Variants in FKBP4 observed in about 807,000 individuals in gnomAD.
FKBP4 encodes the protein peptidyl-prolyl cis-trans isomerase FKBP4.
In FKBP4, 28 loss-of-function variants were observed where a neutral mutation model predicts 54.1. That is an observed-to-expected ratio of 0.52 (90% CI 0.38 to 0.71). FKBP4 has a LOEUF of 0.71. FKBP4 is among the 30% of genes least tolerant of loss of function. The probability of loss-of-function intolerance (pLI) is 0.00; values close to 1 mark genes in which losing one functional copy is unlikely to be tolerated. For missense variants in FKBP4, 493 were observed against 574.4 expected (o/e 0.86, Z 1.45); for synonymous variants, 223 against 216.1 (o/e 1.03, Z -0.28).
At chr12:2,796,933 A>G in intron 1 of FKBP4, 1 of 1,363,210 alleles carries the variant, frequency 7.3e-7, no homozygotes, top group Non-Finnish European at 9.4e-7. Flanking sequence ...TTTTCAAACC[A>G]AGTCTTGCTG....
At position 2,797,839 on chromosome 12, in the gene FKBP4, A is replaced by G; in HGVS notation, c.361A>G (p.Lys121Glu). The change falls in exon 3 of 10, where the codon AAG becomes GAG. Residue 121 changes from lysine (K) to glutamate (E), a missense_variant. Transcript: ENST00000001008. ...YAYGSAGSPP[K>E]IPPNATLVFE... Reference sequence around the variant, plus strand: ...CTACGGTTCAGCAGGCAGTCCTCCAAAGATTCCCCCCAATGCCACGCTTGT... The same window carrying G: ...CTACGGTTCAGCAGGCAGTCCTCCAGAGATTCCCCCCAATGCCACGCTTGT... 1 of 1,614,072 alleles carries G rather than the reference A, an allele frequency of 6.2e-7. No individual in the cohort carries two copies. The highest frequency in any genetic ancestry group is 1.1e-5 in the South Asian group (1 of 91,064).
chr12:2,796,112 T>C, intron 1 of FKBP4: 1 of 1,215,462 alleles, frequency 8.2e-7, no homozygotes, highest in Non-Finnish European at 1.0e-6. Context: ...CCAGGGAGAA[T>C]CAGAGATGGT....
rs1307234968 is a variant in FKBP4 at position 2,803,274 on chromosome 12, C to T, written c.*16C>T. 1.3e-6 allele frequency: 2 copies of T among 1,537,774 alleles called. No individual in the cohort carries two copies. The highest frequency in any genetic ancestry group is 1.2e-5 in the South Asian group (1 of 84,424). Reference sequence around the variant, plus strand: ...AGAAGCATAGCCCCTCTCCACCAGCCCTACTCCTGCGGCTGCCTGCCCCCC... The same window carrying T: ...AGAAGCATAGCCCCTCTCCACCAGCTCTACTCCTGCGGCTGCCTGCCCCCC... On this transcript the variant is annotated 3_prime_UTR_variant, in exon 10 of 10. Coordinates refer to ENST00000001008, the MANE Select transcript of FKBP4 (RefSeq NM_002014.4).
At chr12:2,801,476 T>C in intron 9 of FKBP4, 120 bp downstream of exon 9, 1 of 1,434,086 alleles carries the variant, frequency 7.0e-7, no homozygotes, top group Non-Finnish European at 9.6e-7. Context: ...GCCTTTTCCC[T>C]GGAGCATTAA....
Position 2,797,227 on chromosome 12 carries a change from A to G in FKBP4, c.195A>G (p.Thr65=). ...VHYTGWLLDG[T]KFDSSLDRKD... is the part of the protein sequence containing the mutation. ...ACACTGGCTGGCTATTAGATGGCAC[A>G]AAGTTTGACTCCAGTCTGGATCGCA... The change falls in exon 2 of 10, where the codon ACA becomes ACG. Residue 65 remains threonine (T), a synonymous_variant. Coordinates refer to ENST00000001008, the MANE Select transcript of FKBP4 (RefSeq NM_002014.4). 2.5e-6 allele frequency: 4 copies of G among 1,613,952 alleles called. No individual in the cohort carries two copies. Among genetic ancestry groups the G allele is most frequent in the Non-Finnish European group, 3.4e-6 (4 of 1,179,860 alleles).
At position 2,798,932 on chromosome 12, in the gene FKBP4, A is replaced by C; in HGVS notation, c.514+106A>C. On this transcript the variant is annotated intron_variant, in intron 4 of 9. Coordinates refer to ENST00000001008, the MANE Select transcript of FKBP4 (RefSeq NM_002014.4). The surrounding 1 kb of genome is among the most constrained non-coding windows in gnomAD (Gnocchi z 4.3). ...TCCGAGCCTATCTTCTTGTCCATAA[A>C]ATGAGGGGTTGGACCATATTCTCTT... The C allele has an allele frequency of 6.9e-7, 1 of 1,442,656 alleles. No individual in the cohort carries two copies. Among genetic ancestry groups the C allele is most frequent in the South Asian group, 1.2e-5 (1 of 81,006 alleles). The allele number at this position is 1,442,656 out of a possible 1,614,324, so 89.4% of individuals were successfully genotyped here. A position where few individuals can be genotyped will look rare whatever the true frequency, so the allele number is the denominator to read the frequency against.
At chr12:2,797,588 C>A in intron 2 of FKBP4, 141 bp from the exon 3 acceptor site, 2 of 1,027,510 alleles carry the variant, frequency 1.9e-6, no homozygotes, top group Non-Finnish European at 2.8e-6. Flanking sequence ...CTTAATACAA[C>A]CAGGTACCTC....
At chr12:2,796,184 C>G in intron 1 of FKBP4, 1 of 1,282,516 alleles carries the variant, frequency 7.8e-7, no homozygotes. Flanking sequence ...ATCCTGGCTT[C>G]CCACCGCTGA....
At position 2,803,187 on chromosome 12, in the gene FKBP4, G is replaced by T. The variant is rs1394599190; in HGVS notation, c.1309G>T (p.Asp437Tyr). 1 of 1,606,842 alleles carries T rather than the reference G, an allele frequency of 6.2e-7. No individual in the cohort carries two copies. The highest frequency in any genetic ancestry group is 1.1e-5 in the South Asian group (1 of 89,568). ...GGCTTCCTCAGGAGACCATCCCACT[G>T]ACACAGAGATGAAGGAGGAGCAGAA... is the stretch of plus-strand genomic sequence containing the variant. ...AEASSGDHPT[D>Y]TEMKEEQKSN... Residue 437 changes from aspartate (D) to tyrosine (Y), a missense_variant, in exon 10 of 10, where the codon GAC becomes TAC. Asp to Tyr is a radical substitution (Grantham distance 160, BLOSUM62 -3). Coordinates refer to ENST00000001008, the MANE Select transcript of FKBP4 (RefSeq NM_002014.4).
At position 2,795,441 on chromosome 12, in the gene FKBP4, C is replaced by T. The variant is rs2097901125; in HGVS notation, c.105+197C>T. On this transcript the variant is annotated intron_variant, in intron 1 of 9. Coordinates refer to ENST00000001008, the MANE Select transcript of FKBP4 (RefSeq NM_002014.4). This position sits in a 1 kb window ranked among gnomAD's most constrained non-coding sequence, Gnocchi z 4.3. ...TTAAGGCACCGAGGCCGGCCATGCG[C>T]TCGGCAGGGGGGCGGCCTAGGTGCG... is the stretch of plus-strand genomic sequence containing the variant. Among the ~76,000 whole-genome samples the T allele has an allele frequency of 1.4e-5, 2 of 147,736 alleles. No individual in the cohort carries two copies. The highest frequency in any genetic ancestry group is 4.9e-5 in the African/African-American group (2 of 41,130).
rs201091442 is a variant in FKBP4, at chr12:2,797,774, T to A, written c.296T>A (p.Val99Glu). 4.3e-6 allele frequency: 7 copies of A among 1,613,714 alleles called. No homozygotes were observed. The highest frequency in any genetic ancestry group is 5.9e-6 in the Non-Finnish European group (7 of 1,179,878). Reference sequence around the variant, plus strand: ...GACATTGCCATAGCCACCATGAAGGTGGGGGAGGTGTGCCACATCACCTGC... The same window carrying A: ...GACATTGCCATAGCCACCATGAAGGAGGGGGAGGTGTGCCACATCACCTGC... ...AWDIAIATMK[V>E]GEVCHITCKP... The change falls in exon 3 of 10, where the codon GTG (valine) becomes GAG (glutamate). Residue 99 changes from valine (V) to glutamate (E), a missense_variant. By Grantham distance (121) the Val-to-Glu change is moderately radical. Coordinates refer to ENST00000001008, the MANE Select transcript of FKBP4 (RefSeq NM_002014.4).
At position 2,798,999 on chromosome 12, in the gene FKBP4, G is replaced by A; in HGVS notation, c.515-89G>A. On this transcript the variant is annotated intron_variant, in intron 4 of 9. Coordinates refer to ENST00000001008, the MANE Select transcript of FKBP4 (RefSeq NM_002014.4). This position sits in a 1 kb window ranked among gnomAD's most constrained non-coding sequence, Gnocchi z 4.3. ...TGAGAACACAGGAGAATCTTGGGAT[G>A]ATGGGGGTGATGCAGGGAGGCTGAT... The A allele has an allele frequency of 1.4e-6, 2 of 1,448,152 alleles. No homozygotes were observed. Among genetic ancestry groups the A allele is most frequent in the African/African-American group, 1.4e-5 (1 of 70,700 alleles). 89.7% of individuals were successfully genotyped at this position (1,448,152 alleles called of 1,614,324 possible).
chr12:2,802,221 T>C (rs919873304), intron 9 of FKBP4, among the ~76,000 whole-genome samples: 3 of 151,944 alleles, frequency 2.0e-5, no homozygotes, highest in Non-Finnish European at 4.4e-5. Flanking sequence ...CACTGCAAAC[T>C]CCACCTCCTG....
At chr12:2,800,176 C>G (rs2097903960) in intron 7 of FKBP4, 54 bp downstream of exon 7, 12 of 1,570,656 alleles carry the variant, frequency 7.6e-6, no homozygotes, top group East Asian at 2.2e-5. Flanking sequence ...TGCTCTGAGC[C>G]TCCCCTTCCC....
In FKBP4 at chr12:2,804,157, A is replaced by T. The variant is rs1289742012; in HGVS notation, c.*899A>T. On this transcript the variant is annotated 3_prime_UTR_variant, in exon 10 of 10. Coordinates refer to ENST00000001008, the MANE Select transcript of FKBP4 (RefSeq NM_002014.4). ...CAGGCTGCCGCTGGGATTTGTGTCTATGGCTTCGCCCAAGGTTCCCAGCAC... is the reference window on the plus strand; with the variant it reads ...CAGGCTGCCGCTGGGATTTGTGTCTTTGGCTTCGCCCAAGGTTCCCAGCAC... The T allele has an allele frequency of 6.6e-6, 1 of 152,352 alleles. No individual in the cohort carries two copies. The highest frequency in any genetic ancestry group is 2.4e-5 in the African/African-American group (1 of 41,448). 9.4% of individuals were successfully genotyped at this position (152,352 alleles called of 1,614,324 possible). A position where few individuals can be genotyped will look rare whatever the true frequency, so the allele number is the denominator to read the frequency against.
At chr12:2,802,302 T>A (rs2097905285) in intron 9 of FKBP4, among the ~76,000 whole-genome samples, 1 of 152,040 alleles carries the variant, frequency 6.6e-6, no homozygotes. Flanking sequence ...CACACCCGGC[T>A]AATTTTTGTA....
At position 2,796,916 on chromosome 12, in the gene FKBP4, G is replaced by C. The variant is rs2097902173; in HGVS notation, c.106-222G>C. The C allele has an allele frequency of 2.2e-6, 3 of 1,352,246 alleles. No homozygotes were observed. The South Asian group carries it at 5.6e-5, about 25-fold the overall frequency. The allele number at this position is 1,352,246 out of a possible 1,614,324, so 83.8% of individuals were successfully genotyped here. ...TTGAACTCAGATCTCTCAGCCTTTT[G>C]TCTCCTTTTTCAAACCAAGTCTTGC... On this transcript the variant is annotated intron_variant, in intron 1 of 9. Transcript: ENST00000001008.
At position 2,797,187 on chromosome 12, in the gene FKBP4, G is replaced by A. The variant is rs1221132914; in HGVS notation, c.155G>A (p.Arg52Gln). Reference protein sequence around the residue: ...TGTEMPMIGDRVFVHYTGWLL... With the variant: ...TGTEMPMIGDQVFVHYTGWLL... ...ACAGAGATGCCCATGATTGGGGACC[G>A]AGTCTTTGTCCACTACACTGGCTGG... The change falls in exon 2 of 10, where the codon CGA becomes CAA. Residue 52 changes from arginine (R) to glutamine (Q), a missense_variant. Transcript: ENST00000001008. The A allele has an allele frequency of 6.2e-6, 10 of 1,613,538 alleles. No homozygotes were observed. Among genetic ancestry groups the A allele is most frequent in the East Asian group, 4.5e-5 (2 of 44,880 alleles).
At position 2,800,470 on chromosome 12, in the gene FKBP4, G is replaced by A. The variant is rs770400725; in HGVS notation, c.925G>A (p.Glu309Lys). The A allele has an allele frequency of 5.6e-6, 9 of 1,614,036 alleles. No homozygotes were observed. In the South Asian group the frequency reaches 9.9e-5, roughly 18 times the overall value. Residue 309 changes from glutamate (E) to lysine (K), a missense_variant, in exon 8 of 10, where the codon GAG (glutamate) becomes AAG (lysine). By Grantham distance (56) the Glu-to-Lys change is moderately conservative (BLOSUM62 1). Transcript: ENST00000001008. ...GGAATATGAGTCTAGTTTTTCCAAT[G>A]AGGAAGCACAGAAAGCACAGGCCCT... ...WLEYESSFSN[E>K]EAQKAQALRL... is the part of the protein sequence containing the mutation.
Sources: allele counts gnomAD v4.1 joint callset (sites outside exome capture counted in the v4.1 genomes callset), GRCh38; gene constraint gnomAD v4.1.1; non-coding constraint Gnocchi (gnomAD v3.1); transcripts MANE v1.5; gene names NCBI Gene and HGNC (gene_info 2026-07-23, HGNC 2026-07-21).